The following NFIB variants were observed in gnomAD, a reference collection of about 807,000 sequenced individuals.
NFIB encodes the protein nuclear factor 1 B-type.
A neutral mutation model predicts 61.5 loss-of-function variants in NFIB; 11 were observed. The observed-to-expected ratio is 0.18, with a 90% CI of 0.11 to 0.30. The LOEUF is 0.30. Among genes scored for constraint, NFIB ranks in the 10% least tolerant of loss-of-function variants. The pLI is 1.00. For missense variants in NFIB, 471 were observed against 608.9 expected (o/e 0.77, Z 2.38); for synonymous variants, 260 against 216.5 (o/e 1.20, Z -1.76).
chr9:14,149,150 A>G (rs1373916045), intron 5 of NFIB, among the ~76,000 whole-genome samples: 2 of 152,182 alleles, frequency 1.3e-5, no homozygotes, highest in African/African-American at 4.8e-5. Context: ...GACTATTTTA[A>G]TAATAAACCA....
chr9:14,364,252 T>C (rs996519310), intron 1 of NFIB, among the ~76,000 whole-genome samples: 1 of 152,132 alleles, frequency 6.6e-6, no homozygotes, highest in South Asian at 2.1e-4. Flanking sequence ...CTGAAGTGAG[T>C]TAGGAGTTAA....
At chr9:14,491,617 T>A in the NFIB span, among the ~76,000 whole-genome samples, 12 of 152,192 alleles carry the variant, frequency 7.9e-5, no homozygotes, top group African/African-American at 2.9e-4. Flanking sequence ...AAGACACTCA[T>A]AGCTTTCTTT....
intron 2 of NFIB, among the ~76,000 whole-genome samples, chr9:14,182,115 A>G (rs1343519311): frequency 6.6e-6 from 1 of 152,180 alleles, no homozygotes; most frequent in Non-Finnish European, 1.5e-5. Flanking sequence ...TTTCTGCTAT[A>G]AATTACTTTT....
At chr9:14,267,692 T>A (rs1463973564) in intron 2 of NFIB, among the ~76,000 whole-genome samples, 1 of 152,220 alleles carries the variant, frequency 6.6e-6, no homozygotes, top group East Asian at 1.9e-4. Context: ...TCCCTGTGAA[T>A]AGACAGTGAG....
the NFIB span, among the ~76,000 whole-genome samples, chr9:14,467,449 G>C: frequency 6.6e-6 from 1 of 152,182 alleles, no homozygotes; most frequent in East Asian, 1.9e-4. Flanking sequence ...GGATGGAAGA[G>C]GATGAAAATA....
At chr9:14,428,886 A>T in the NFIB span, among the ~76,000 whole-genome samples, 3 of 152,174 alleles carry the variant, frequency 2.0e-5, no homozygotes, top group Non-Finnish European at 4.4e-5. Flanking sequence ...CTGGGCCAGG[A>T]ATCCTTGGAA....
intron 10 of NFIB, among the ~76,000 whole-genome samples, chr9:14,103,636 A>G (rs1252453498): frequency 6.6e-6 from 1 of 152,216 alleles, no homozygotes; most frequent in Non-Finnish European, 1.5e-5. Context: ...TTCTGCACAC[A>G]CTAAGTAATA....
intron 2 of NFIB, among the ~76,000 whole-genome samples, chr9:14,271,301 G>C (rs909513331): frequency 1.3e-5 from 2 of 151,286 alleles, no homozygotes; most frequent in Non-Finnish European, 2.9e-5. Flanking sequence ...CTGCTTGGCA[G>C]CTTTTCAAGC....
rs1355215888 is a variant in NFIB, at chr9:14,322,316, CGTGTGCGT to C, written c.109-14804_109-14797del. 2.8e-5 allele frequency: 8 copies of C among 288,352 alleles called. No homozygotes were observed. In the East Asian group the frequency reaches 4.2e-4, roughly 15 times the overall value. The allele number at this position is 288,352 out of a possible 1,614,324, so 17.9% of individuals were successfully genotyped here. On this transcript the variant is annotated intron_variant, in intron 1 of 8. Coordinates refer to the NFIB transcript ENST00000380934. ...AGGATGGTGTGTGTGTGTGCGCCCG[CGTGTGCGT>C]GTGTGCATGTATGTGTGTGTGTGGT...
Position 14,120,742 on chromosome 9 carries a change from G to A in NFIB, c.1061-118C>T. Reference sequence around the variant, plus strand: ...GGTAACCATTCATTTTTGTCCCCATGATTTAACCAAGCTCTCCTAAATCAA... The same window carrying A: ...GGTAACCATTCATTTTTGTCCCCATAATTTAACCAAGCTCTCCTAAATCAA... On this transcript the variant is annotated intron_variant, in intron 7 of 10. Transcript: ENST00000380953. This position sits in a 1 kb window ranked among gnomAD's most constrained non-coding sequence, Gnocchi z 4.4. 1 of 1,033,244 alleles carries A rather than the reference G, an allele frequency of 9.7e-7. No individual in the cohort carries two copies. Among genetic ancestry groups the A allele is most frequent in the Non-Finnish European group, 1.4e-6 (1 of 727,862 alleles). The allele number at this position is 1,033,244 out of a possible 1,614,324, so 64.0% of individuals were successfully genotyped here.
At chr9:14,495,603 C>G in the NFIB span, among the ~76,000 whole-genome samples, 6,877 of 151,990 alleles carry the variant, frequency 0.045, 520 homozygotes, top group African/African-American at 0.16. Flanking sequence ...CAGCTGGAAG[C>G]TAAGATGAAT....
chr9:14,293,345 C>T (rs1343152522), intron 2 of NFIB, among the ~76,000 whole-genome samples: 1 of 152,156 alleles, frequency 6.6e-6, no homozygotes, highest in Non-Finnish European at 1.5e-5. Context: ...CCATAGTACT[C>T]TGTATATATG....
intron 1 of NFIB, among the ~76,000 whole-genome samples, chr9:14,395,984 C>A (rs1197909823): frequency 6.6e-6 from 1 of 151,948 alleles, no homozygotes; most frequent in Non-Finnish European, 1.5e-5. Context: ...CAGTGATTGT[C>A]CTTGTAGCTC....
intron 2 of NFIB, among the ~76,000 whole-genome samples, chr9:14,257,895 T>C (rs2056381593): frequency 6.8e-6 from 1 of 146,110 alleles, no homozygotes; most frequent in Non-Finnish European, 1.5e-5. Flanking sequence ...AAAAATGAGA[T>C]TTTTTTTTAA....
At chr9:14,367,553 G>C (rs575128151) in intron 1 of NFIB, among the ~76,000 whole-genome samples, 1 of 152,118 alleles carries the variant, frequency 6.6e-6, no homozygotes, top group Non-Finnish European at 1.5e-5. Flanking sequence ...GTGTATTTTC[G>C]TTGATAGGGA....
At chr9:14,526,960 T>C in the NFIB span, among the ~76,000 whole-genome samples, 5 of 152,228 alleles carry the variant, frequency 3.3e-5, no homozygotes, top group African/African-American at 9.6e-5. Flanking sequence ...TTTATTAAGA[T>C]AGGATCTAAG....
intron 2 of NFIB, among the ~76,000 whole-genome samples, chr9:14,232,890 C>T (rs1197019712): frequency 6.6e-6 from 1 of 152,100 alleles, no homozygotes; most frequent in Non-Finnish European, 1.5e-5. Flanking sequence ...TCAGGAGTGC[C>T]CACCACCTAT....
chr9:14,266,771 C>T (rs1166521462), intron 2 of NFIB, among the ~76,000 whole-genome samples: 2 of 152,030 alleles, frequency 1.3e-5, no homozygotes, highest in Non-Finnish European at 2.9e-5. Flanking sequence ...GTTCTTTTTC[C>T]TCAATATCTC....
At chr9:14,379,671 G>T (rs2061461397) in intron 1 of NFIB, among the ~76,000 whole-genome samples, 1 of 151,912 alleles carries the variant, frequency 6.6e-6, no homozygotes, top group Non-Finnish European at 1.5e-5. Flanking sequence ...TAGGTTATCA[G>T]ATTTTATTTA....
Sources: allele counts gnomAD v4.1 joint callset (sites outside exome capture counted in the v4.1 genomes callset), GRCh38; gene constraint gnomAD v4.1.1; non-coding constraint Gnocchi (gnomAD v3.1); transcripts MANE v1.5; gene names NCBI Gene and HGNC (gene_info 2026-07-23, HGNC 2026-07-21).